Variants in DDX46 observed in about 807,000 individuals in gnomAD.
DDX46 encodes the protein probable ATP-dependent RNA helicase DDX46.
Under a neutral mutation model 134.9 loss-of-function variants are expected in DDX46, and 30 were observed. That is an observed-to-expected ratio of 0.22 (90% confidence interval 0.17 to 0.30). DDX46 has a LOEUF of 0.30. Among genes scored for constraint, DDX46 ranks in the 10% least tolerant of loss-of-function variants. DDX46 has a pLI of 1.00. For missense variants in DDX46, 622 were observed against 1,248.7 expected, an observed-to-expected ratio of 0.50 and a Z score of 7.56; for synonymous variants, 415 against 404.1, an observed-to-expected ratio of 1.03 and a Z score of -0.32.
intron 2 of DDX46, 46 bp downstream of exon 2, chr5:134,764,138 T>G: frequency 7.8e-6 from 12 of 1,548,312 alleles, no homozygotes; most frequent in South Asian, 1.2e-5. Context: ...AAATTGGGCC[T>G]TCTCGGCTAT....
chr5:134,766,963 T>G lies in DDX46; in HGVS notation c.253T>G (p.Ser85Ala). The change falls in exon 3 of 23, where the codon TCT becomes GCT. Residue 85 changes from serine (S) to alanine (A), a missense_variant. Coordinates refer to ENST00000452510, the MANE Select transcript of DDX46 (RefSeq NM_001300860.2). ...ERDRSRERRR[S>A]RSRDRRRSRS... ...AGACAGAAGCCGAGAGCGAAGAAGA[T>G]CTCGAAGTAGAGACAGGAGACGCTC... 1 of 1,614,064 alleles carries G rather than the reference T, an allele frequency of 6.2e-7. No individual in the cohort carries two copies. Among genetic ancestry groups the G allele is most frequent in the Non-Finnish European group, 8.5e-7 (1 of 1,179,994 alleles).
intron 3 of DDX46, among the ~76,000 whole-genome samples, chr5:134,770,043 A>G (rs1460078761): frequency 1.3e-5 from 2 of 152,100 alleles, no homozygotes; most frequent in African/African-American, 4.8e-5. Flanking sequence ...ATACAAGTCT[A>G]ATAAGTGTAC....
rs1218801013 is a variant in DDX46 at position 134,795,695 on chromosome 5, T to C, written c.1792-293T>C. Among the ~76,000 whole-genome samples, 4 of 152,288 alleles carry C rather than the reference T, an allele frequency of 2.6e-5. No individual in the cohort carries two copies. In the East Asian group the frequency reaches 5.8e-4, roughly 22 times the overall value. ...AGCTTGGGCAATATAGTGAGACCCC[T>C]GTCTCTACAAAGGAAAAAGAAATGT... On this transcript the variant is annotated intron_variant, in intron 14 of 22. Transcript: ENST00000452510.
chr5:134,778,970 C>T (rs1411717084), intron 6 of DDX46, among the ~76,000 whole-genome samples: 2 of 152,046 alleles, frequency 1.3e-5, no homozygotes, highest in African/African-American at 2.4e-5. Flanking sequence ...AATCTCGGCT[C>T]ACTGCAACTT....
intron 21 of DDX46, among the ~76,000 whole-genome samples, chr5:134,823,372 C>T (rs1755507065): frequency 6.6e-6 from 1 of 152,058 alleles, no homozygotes; most frequent in Non-Finnish European, 1.5e-5. Flanking sequence ...ATCTCCTGAC[C>T]TCGTGATCCT....
intron 21 of DDX46, chr5:134,826,511 T>G (rs1454003165): frequency 6.5e-6 from 1 of 152,852 alleles, no homozygotes; most frequent in Non-Finnish European, 1.5e-5. Context: ...CTAGTCCTCC[T>G]TTCATTTTAA....
At chr5:134,790,606 C>A in intron 13 of DDX46, 54 bp downstream of exon 13, 1 of 1,454,802 alleles carries the variant, frequency 6.9e-7, no homozygotes, top group Non-Finnish European at 9.5e-7. Context: ...TTTGTAGTTG[C>A]CATGAGAATG....
intron 15 of DDX46, among the ~76,000 whole-genome samples, chr5:134,799,404 C>G (rs1437645720): frequency 1.3e-5 from 2 of 150,988 alleles, no homozygotes; most frequent in Non-Finnish European, 2.9e-5. Context: ...TCCTCAGCCT[C>G]CTAAGTAGCT....
At chr5:134,811,142 G>A in intron 16 of DDX46, 79 bp from the exon 17 acceptor site, 1 of 1,258,510 alleles carries the variant, frequency 7.9e-7, no homozygotes, top group Non-Finnish European at 1.1e-6. Flanking sequence ...TTTATTAGGT[G>A]GATCAGATTT....
At chr5:134,807,626 T>C in intron 15 of DDX46, 122 bp from the exon 16 acceptor site, 1 of 829,950 alleles carries the variant, frequency 1.2e-6, no homozygotes, top group Non-Finnish European at 1.8e-6. Flanking sequence ...TCTTAGTCTT[T>C]TATTTTCTAT....
intron 15 of DDX46, 61 bp from the exon 16 acceptor site, chr5:134,807,687 G>A (rs1580810718): frequency 6.8e-7 from 1 of 1,466,804 alleles, no homozygotes; most frequent in Admixed American, 2.0e-5. Context: ...TTAGATTCTT[G>A]GTCAGAAGAC....
chr5:134,798,496 C>T (rs1391436791), intron 15 of DDX46, among the ~76,000 whole-genome samples: 1 of 152,210 alleles, frequency 6.6e-6, no homozygotes, highest in East Asian at 1.9e-4. Context: ...AACCACCACG[C>T]CCGGCCTTAG....
chr5:134,766,789 A>T, intron 2 of DDX46, 128 bp from the exon 3 acceptor site: 1 of 1,121,482 alleles, frequency 8.9e-7, no homozygotes, highest in Non-Finnish European at 1.2e-6. Context: ...ACTTGGCTTT[A>T]CTTCATTGAG....
In DDX46 at chr5:134,829,929, A is replaced by AAAATAAATAAATAAATAAATAAAT. The variant is rs57945635; in HGVS notation, c.*1225_*1248dup. On this transcript the variant is annotated 3_prime_UTR_variant, in exon 23 of 23. Transcript: ENST00000452510. ...TGGGCGACAGAGTGAGACTATCTCA[A>AAAATAAATAAATAAATAAATAAAT]AAATAAATAAATAAATAAATAAATA... The AAAATAAATAAATAAATAAATAAAT allele has an allele frequency of 0.015, 2,206 of 149,014 alleles. 79 individuals carry two copies. The highest frequency in any genetic ancestry group is 0.052 in the African/African-American group (2,078 of 39,924). 9.2% of individuals were successfully genotyped at this position (149,014 alleles called of 1,614,324 possible).
Position 134,811,257 on chromosome 5 carries a change from C to A in DDX46, c.2185C>A (p.Arg729Ser). 5 of 1,613,964 alleles carry A rather than the reference C, an allele frequency of 3.1e-6. No individual in the cohort carries two copies. The highest frequency in any genetic ancestry group is 4.2e-6 in the Non-Finnish European group (5 of 1,179,972). The change falls in exon 17 of 23, where the codon CGC (arginine) becomes AGC (serine). Residue 729 changes from arginine (R) to serine (S), a missense_variant. By Grantham distance (110) the Arg-to-Ser change is moderately radical (BLOSUM62 -1). Transcript: ENST00000452510. ...TACTTTTATCACAGAGGATCAAGCTCGCTATGCTGGTGACATAATTAAAGC... is the reference window on the plus strand; with the variant it reads ...TACTTTTATCACAGAGGATCAAGCTAGCTATGCTGGTGACATAATTAAAGC... ...AYTFITEDQA[R>S]YAGDIIKALE...
intron 1 of DDX46, among the ~76,000 whole-genome samples, chr5:134,760,171 T>C (rs946808829): frequency 2.0e-5 from 3 of 152,150 alleles, no homozygotes; most frequent in African/African-American, 7.2e-5. Flanking sequence ...TTAGTCTCCA[T>C]TGGTTTCTAC....
intron 8 of DDX46, among the ~76,000 whole-genome samples, 171 bp downstream of exon 8, chr5:134,782,257 G>C (rs1754176772): frequency 6.6e-6 from 1 of 152,116 alleles, no homozygotes; most frequent in African/African-American, 2.4e-5. Context: ...TGTAATCTAA[G>C]CACTTTGGGA....
chr5:134,822,684 T>TCCCACCTCAGCCC (rs1335158988), intron 21 of DDX46, among the ~76,000 whole-genome samples: 1 of 152,030 alleles, frequency 6.6e-6, no homozygotes, highest in African/African-American at 2.4e-5. Flanking sequence ...CAAGCAAGCC[T>TCCCACCTCAGCCC]CCCACCTCAG....
chr5:134,774,820 C>T (rs545026168), intron 5 of DDX46, among the ~76,000 whole-genome samples: 1 of 152,226 alleles, frequency 6.6e-6, no homozygotes, highest in South Asian at 2.1e-4. Flanking sequence ...CCTCAGCTTC[C>T]AGAGTAGCCA....
Sources: gnomAD v4.1 joint callset for allele counts (sites outside exome capture counted in the v4.1 genomes callset) on GRCh38, gnomAD v4.1.1 for gene constraint, MANE v1.5 for transcripts, NCBI Gene and HGNC (gene_info 2026-07-23, HGNC 2026-07-21) for gene names.